The following IRF4 variants were observed in gnomAD, a reference collection of about 807,000 sequenced individuals.
The protein encoded by IRF4 is interferon regulatory factor 4, also known as lymphocyte-specific interferon regulatory factor.
Under a neutral mutation model 55.5 loss-of-function variants are expected in IRF4, and 13 were observed. The observed-to-expected ratio is 0.23, with a 90% CI of 0.15 to 0.37. The LOEUF (loss-of-function observed/expected upper bound fraction) is 0.37, where lower values mean the gene tolerates loss of function less well. IRF4 is among the 10% of genes least tolerant of loss of function. The probability of loss-of-function intolerance (pLI) is 1.00; values close to 1 mark genes in which losing one functional copy is unlikely to be tolerated. For missense variants in IRF4, 397 were observed against 593.8 expected, an observed-to-expected ratio of 0.67 and a Z score of 3.44; for synonymous variants, 249 against 240.7, an observed-to-expected ratio of 1.03 and a Z score of -0.32.
At chr6:398,782 C>T (rs776436304) in intron 5 of IRF4, 46 bp from the exon 6 acceptor site, 27 of 1,445,344 alleles carry the variant, frequency 1.9e-5, no homozygotes, top group African/African-American at 5.6e-5. Context: ...CGCGGTGCGT[C>T]GGACTCTCTG....
At position 397,239 on chromosome 6, in the gene IRF4, A is replaced by G; in HGVS notation, c.624A>G (p.Pro208=). 6.2e-7 allele frequency: 1 copy of G among 1,614,262 alleles called. No individual in the cohort carries two copies. The highest frequency in any genetic ancestry group is 1.7e-5 in the Admixed American group (1 of 60,036). Residue 208 remains proline, a synonymous_variant, in exon 5 of 9, where the codon CCA becomes CCG. Transcript: ENST00000380956. ...CCCGCGGCCACCACTGGCAAGGCCC[A>G]GCTTGTGAAAATGGTAAGGAGGATA... ...FGPRGHHWQG[P]ACENGCQVTG...
At chr6:405,958 C>A (rs562022126) in intron 8 of IRF4, among the ~76,000 whole-genome samples, 13 of 152,276 alleles carry the variant, frequency 8.5e-5, no homozygotes, top group Admixed American at 2.6e-4. Flanking sequence ...AAAAGTTACA[C>A]CCCCTAACAT....
chr6:393,433 CCGGCG>C lies in IRF4; in HGVS notation c.216+67_216+71del. On this transcript the variant is annotated intron_variant, in intron 2 of 8. Coordinates refer to ENST00000380956, the MANE Select transcript of IRF4 (RefSeq NM_002460.4). The surrounding 1 kb of genome is among the most constrained non-coding windows in gnomAD (Gnocchi z 5.4). ...GGCCCAGAGACAGAGCCCGGGGTCC[CCGGCG>C]CCGCCTCCGAGGCGAGCCCAGGGGA... The C allele has an allele frequency of 8.4e-7, 1 of 1,187,152 alleles. No homozygotes were observed. 73.5% of individuals were successfully genotyped at this position (1,187,152 alleles called of 1,614,324 possible).
Position 405,014 on chromosome 6 carries a change from A to T in IRF4, c.1100-4A>T, listed in dbSNP as rs1761508082. The T allele has an allele frequency of 1.3e-6, 2 of 1,597,410 alleles. No individual in the cohort carries two copies. Among genetic ancestry groups the T allele is most frequent in the East Asian group, 4.5e-5 (2 of 44,806 alleles). Reference sequence around the variant, plus strand: ...CATGGTCTCTTTCTTGTGGGCTTCTACAGAGCTGCAAGCGTTTGCTCACCA... The same window carrying T: ...CATGGTCTCTTTCTTGTGGGCTTCTTCAGAGCTGCAAGCGTTTGCTCACCA... On this transcript the variant is annotated splice_polypyrimidine_tract_variant and splice_region_variant and intron_variant, in intron 7 of 8. Transcript: ENST00000380956.
At position 407,913 on chromosome 6, in the gene IRF4, A is replaced by C. The variant is rs1006310837; in HGVS notation, c.*315A>C. ...AGTGGAGATTTCAGTTCAGCGGTTGAGGAGAATTGCGGCGAGACAAGCATG... is the reference window on the plus strand; with the variant it reads ...AGTGGAGATTTCAGTTCAGCGGTTGCGGAGAATTGCGGCGAGACAAGCATG... On this transcript the variant is annotated 3_prime_UTR_variant, in exon 9 of 9. Transcript: ENST00000380956. The C allele has an allele frequency of 1.6e-4, 54 of 331,264 alleles. No individual in the cohort carries two copies. In the South Asian group the frequency reaches 2.8e-3, roughly 17 times the overall value. 20.5% of individuals were successfully genotyped at this position (331,264 alleles called of 1,614,324 possible).
At chr6:407,352 C>G in intron 8 of IRF4, 103 bp from the exon 9 acceptor site, 1 of 1,140,484 alleles carries the variant, frequency 8.8e-7, no homozygotes, top group South Asian at 1.5e-5. Context: ...TAGGATGTAA[C>G]TTTGGGCTTT....
At chr6:392,906 C>G (rs926311516) in intron 1 of IRF4, among the ~76,000 whole-genome samples, 192 bp from the exon 2 acceptor site, 1 of 151,466 alleles carries the variant, frequency 6.6e-6, no homozygotes, top group South Asian at 2.1e-4. Context: ...GACGGCTGTG[C>G]CCGCCCAGGG....
rs970412899 is a variant in IRF4 at position 393,159 on chromosome 6, C to T, written c.7C>T (p.Leu3=). ...CGCGGACGGCACGCGGGGCATGAAC[C>T]TGGAGGGCGGCGGCCGAGGCGGAGA... MN[L]EGGGRGGEFG... is the part of the protein sequence containing the mutation. The change falls in exon 2 of 9, where the codon CTG becomes TTG. Residue 3 remains leucine (L), a synonymous_variant. Transcript: ENST00000380956. The surrounding 1 kb of genome is among the most constrained non-coding windows in gnomAD (Gnocchi z 5.4). 5.2e-6 allele frequency: 8 copies of T among 1,549,754 alleles called. No homozygotes were observed. The highest frequency in any genetic ancestry group is 2.7e-5 in the African/African-American group (2 of 72,970).
At chr6:399,529 A>G (rs978182719) in intron 6 of IRF4, among the ~76,000 whole-genome samples, 8 of 150,526 alleles carry the variant, frequency 5.3e-5, no homozygotes, top group African/African-American at 1.5e-4. Flanking sequence ...TCCCTGCACC[A>G]TGGAGATCTT....
chr6:394,990 C>G lies in IRF4; in HGVS notation c.386C>G (p.Pro129Arg). The G allele has an allele frequency of 6.3e-7, 1 of 1,599,934 alleles. No individual in the cohort carries two copies. The highest frequency in any genetic ancestry group is 8.5e-7 in the Non-Finnish European group (1 of 1,173,844). The change falls in exon 3 of 9, where the codon CCT (proline) becomes CGT (arginine). Residue 129 changes from proline (P) to arginine (R), a missense_variant. Pro to Arg is a moderately radical substitution (Grantham distance 103). Transcript: ENST00000380956. ...SDPYKVYRIVPEGAKKGAKQL... is the reference protein window; with the variant it reads ...SDPYKVYRIVREGAKKGAKQL... Reference sequence around the variant, plus strand: ...CCGTACAAAGTGTACAGGATTGTTCCTGAGGGAGCCAAAAAAGGTAGGGGC... The same window carrying G: ...CCGTACAAAGTGTACAGGATTGTTCGTGAGGGAGCCAAAAAAGGTAGGGGC...
intron 8 of IRF4, among the ~76,000 whole-genome samples, chr6:407,109 T>C (rs1761566293): frequency 6.6e-6 from 1 of 152,254 alleles, no homozygotes; most frequent in Non-Finnish European, 1.5e-5. Flanking sequence ...ACAAAATCAT[T>C]GGCCTAAATT....
Position 409,026 on chromosome 6 carries a change from T to A in IRF4, c.*1428T>A, listed in dbSNP as rs1470032788. The A allele has an allele frequency of 4.5e-6, 1 of 221,164 alleles. No homozygotes were observed. Among genetic ancestry groups the A allele is most frequent in the African/African-American group, 2.2e-5 (1 of 44,658 alleles). The allele number at this position is 221,164 out of a possible 1,614,324, so 13.7% of individuals were successfully genotyped here. ...TACAGCAGTAGACTGGGGCGTCACC[T>A]CCAGGCCGTTTCTCATACTACAGGA... is the stretch of plus-strand genomic sequence containing the variant. On this transcript the variant is annotated 3_prime_UTR_variant, in exon 9 of 9. Transcript: ENST00000380956.
intron 7 of IRF4, 40 bp from the exon 8 acceptor site, chr6:404,978 G>C: frequency 7.9e-7 from 1 of 1,269,834 alleles, no homozygotes; most frequent in Non-Finnish European, 1.2e-6. Context: ...TCGGTGATGA[G>C]GGTTTCTGAA....
chr6:411,239 C>A lies in IRF4; in HGVS notation c.*3641C>A. On this transcript the variant is annotated 3_prime_UTR_variant, in exon 9 of 9. Coordinates refer to ENST00000380956, the MANE Select transcript of IRF4 (RefSeq NM_002460.4). ...TGCCAGCAGGTAGGACCCCAGAGGCCCCCAAATGAAAGCTTGAATTTCCCC... is the reference window on the plus strand; with the variant it reads ...TGCCAGCAGGTAGGACCCCAGAGGCACCCAAATGAAAGCTTGAATTTCCCC... 4.4e-6 allele frequency: 1 copy of A among 229,738 alleles called. No individual in the cohort carries two copies. Among genetic ancestry groups the A allele is most frequent in the East Asian group, 6.1e-5 (1 of 16,376 alleles). 14.2% of individuals were successfully genotyped at this position (229,738 alleles called of 1,614,324 possible).
chr6:408,442 T>C lies in IRF4; in HGVS notation c.*844T>C. ...CTTTCCTGGAAGCCAGTTAGTAAAC[T>C]TCCTATTTTCTTGAGTCAAAAAACA... On this transcript the variant is annotated 3_prime_UTR_variant, in exon 9 of 9. Coordinates refer to ENST00000380956, the MANE Select transcript of IRF4 (RefSeq NM_002460.4). 1 of 230,094 alleles carries C rather than the reference T, an allele frequency of 4.3e-6. No homozygotes were observed. Among genetic ancestry groups the C allele is most frequent in the Non-Finnish European group, 8.6e-6 (1 of 115,998 alleles). 14.3% of individuals were successfully genotyped at this position (230,094 alleles called of 1,614,324 possible).
In IRF4 at chr6:393,543, C is replaced by T. The variant is rs776816105; in HGVS notation, c.216+175C>T. ...GCAGGAGGAGGAAAGGAGGCCTCGG[C>T]TCTCAGCGGGACCGCGGGGGCCGGG... On this transcript the variant is annotated intron_variant, in intron 2 of 8. Transcript: ENST00000380956. The surrounding 1 kb of genome is among the most constrained non-coding windows in gnomAD (Gnocchi z 5.4). Among the ~76,000 whole-genome samples, 2 of 151,940 alleles carry T rather than the reference C, an allele frequency of 1.3e-5. No homozygotes were observed. Among genetic ancestry groups the T allele is most frequent in the Admixed American group, 6.5e-5 (1 of 15,276 alleles).
At chr6:404,016 A>C (rs1761476710) in intron 7 of IRF4, among the ~76,000 whole-genome samples, 1 of 151,904 alleles carries the variant, frequency 6.6e-6, no homozygotes, top group South Asian at 2.1e-4. Flanking sequence ...ACTTCTGTTC[A>C]GTTGAAGAGA....
intron 6 of IRF4, 113 bp downstream of exon 6, chr6:399,048 G>A: frequency 1.6e-6 from 1 of 637,608 alleles, no homozygotes; most frequent in South Asian, 2.2e-5. Context: ...GCTCCCTCTG[G>A]GGTCTGGAGT....
In IRF4 at chr6:393,797, A is replaced by T. The variant is rs912818948; in HGVS notation, c.216+429A>T. The stretch of plus-strand genomic sequence containing the variant: ...GTGCCGGCGGCTGTTTTCGTCTCTC[A>T]CCGCGTCTCTGTTTCTCTTTTCGCT... On this transcript the variant is annotated intron_variant, in intron 2 of 8. Coordinates refer to ENST00000380956, the MANE Select transcript of IRF4 (RefSeq NM_002460.4). The surrounding 1 kb of genome is among the most constrained non-coding windows in gnomAD (Gnocchi z 5.4). Among the ~76,000 whole-genome samples, 4 of 151,276 alleles carry T rather than the reference A, an allele frequency of 2.6e-5. No individual in the cohort carries two copies. Among genetic ancestry groups the T allele is most frequent in the Admixed American group, 1.3e-4 (2 of 15,242 alleles).
Sources: allele counts gnomAD v4.1 joint callset (sites outside exome capture counted in the v4.1 genomes callset), GRCh38; gene constraint gnomAD v4.1.1; non-coding constraint Gnocchi (gnomAD v3.1); transcripts MANE v1.5; gene names NCBI Gene and HGNC (gene_info 2026-07-23, HGNC 2026-07-21).